Variants in PARD3B observed in about 807,000 individuals in gnomAD.
PARD3B encodes par-3 family cell polarity regulator beta.
Under a neutral mutation model 130.2 loss-of-function variants are expected in PARD3B, and 103 were observed. The observed-to-expected ratio is 0.79, with a 90% CI of 0.67 to 0.93. PARD3B has a LOEUF of 0.93. Among genes scored for constraint, PARD3B ranks in the 40% least tolerant of loss-of-function variants. The pLI, the probability that PARD3B is intolerant of heterozygous loss-of-function variation, is 0.00. For synonymous variants in PARD3B, 583 were observed against 553.2 expected, an observed-to-expected ratio of 1.05 and a Z score of -0.76; for missense variants, 1,609 against 1,499.2, an observed-to-expected ratio of 1.07 and a Z score of -1.21.
At chr2:204,958,504 C>A (rs1559299720) in intron 2 of PARD3B, among the ~76,000 whole-genome samples, 2 of 152,072 alleles carry the variant, frequency 1.3e-5, no homozygotes, top group Non-Finnish European at 2.9e-5. Flanking sequence ...ACAGAAATTA[C>A]CTATTGGTTG....
chr2:204,717,178 T>A (rs1346811591), intron 2 of PARD3B, among the ~76,000 whole-genome samples: 3 of 152,212 alleles, frequency 2.0e-5, no homozygotes, highest in Admixed American at 6.5e-5. Context: ...CATAAGTACC[T>A]TTGTGTAAAA....
intron 2 of PARD3B, among the ~76,000 whole-genome samples, chr2:204,789,196 A>G (rs564715724): frequency 6.6e-6 from 1 of 152,278 alleles, no homozygotes; most frequent in South Asian, 2.1e-4. Flanking sequence ...AGCTGGGACC[A>G]TAGGTGTGCA....
chr2:204,665,002 G>A (rs971075118), intron 1 of PARD3B, among the ~76,000 whole-genome samples: 8 of 152,142 alleles, frequency 5.3e-5, no homozygotes, highest in African/African-American at 1.9e-4. Flanking sequence ...GAAGACTGTA[G>A]AGAAAATGTT....
intron 4 of PARD3B, among the ~76,000 whole-genome samples, chr2:205,102,735 A>G (rs534123052): frequency 6.6e-6 from 1 of 152,184 alleles, no homozygotes; most frequent in Non-Finnish European, 1.5e-5. Flanking sequence ...TCACTACAAC[A>G]AAGTGCTTCT....
At position 205,564,179 on chromosome 2, in the gene PARD3B, C is replaced by G. The variant is rs2053239161; in HGVS notation, c.3260+10776C>G. Among the ~76,000 whole-genome samples the G allele has an allele frequency of 6.6e-6, 1 of 152,180 alleles. No homozygotes were observed. The highest frequency in any genetic ancestry group is 1.5e-5 in the Non-Finnish European group (1 of 68,038). Reference sequence around the variant, plus strand: ...TCTGCATCTGAAATTTCTGGGCTTTCTGCAGCATCAAGGTGTCTGGTACTA... The same window carrying G: ...TCTGCATCTGAAATTTCTGGGCTTTGTGCAGCATCAAGGTGTCTGGTACTA... On this transcript the variant is annotated intron_variant, in intron 22 of 22. Coordinates refer to ENST00000406610, the MANE Select transcript of PARD3B (RefSeq NM_001302769.2). This position sits in a 1 kb window ranked among gnomAD's most constrained non-coding sequence, Gnocchi z 4.6.
chr2:204,984,895 T>C (rs927601747), intron 3 of PARD3B, among the ~76,000 whole-genome samples: 3 of 152,114 alleles, frequency 2.0e-5, no homozygotes, highest in South Asian at 2.1e-4. Context: ...CTGCTCACCT[T>C]TGTTCCACTG....
intron 19 of PARD3B, among the ~76,000 whole-genome samples, chr2:205,406,481 A>C (rs1574942076): frequency 6.6e-6 from 1 of 152,160 alleles, no homozygotes; most frequent in South Asian, 2.1e-4. Flanking sequence ...TTCATCACAT[A>C]AATATTGGAC....
chr2:205,379,350 A>G (rs189086848), intron 18 of PARD3B, among the ~76,000 whole-genome samples: 1 of 152,286 alleles, frequency 6.6e-6, no homozygotes, highest in African/African-American at 2.4e-5. Flanking sequence ...ATTGGCCTCC[A>G]GTGAACCTGG....
intron 15 of PARD3B, among the ~76,000 whole-genome samples, chr2:205,210,211 T>G (rs529742883): frequency 5.3e-5 from 8 of 151,810 alleles, no homozygotes; most frequent in Non-Finnish European, 8.8e-5. Flanking sequence ...ACAAAAAAAA[T>G]TTTAAAAATA....
In PARD3B at chr2:205,530,810, A is replaced by T. The variant is rs1046315902; in HGVS notation, c.3181-22514A>T. Among the ~76,000 whole-genome samples, 98 of 152,336 alleles carry T rather than the reference A, an allele frequency of 6.4e-4. No homozygotes were observed. Among genetic ancestry groups the T allele is most frequent in the African/African-American group, 2.3e-3 (94 of 41,586 alleles). ...TACTCATGCTGGACGATTCAAGAAG[A>T]TGAAATGGGGAAGAAAGAAACGATG... On this transcript the variant is annotated intron_variant, in intron 21 of 22. Coordinates refer to ENST00000406610, the MANE Select transcript of PARD3B (RefSeq NM_001302769.2). The surrounding 1 kb of genome is among the most constrained non-coding windows in gnomAD (Gnocchi z 4.7).
Position 204,978,744 on chromosome 2 carries a change from C to T in PARD3B, c.394+13421C>T, listed in dbSNP as rs190155304. ...TGGGAGGCTGAAGTGGGAGGATCAC[C>T]TGAGGTCAGGAGTTTGAGACCAGCT... On this transcript the variant is annotated intron_variant, in intron 3 of 22. Coordinates refer to ENST00000406610, the MANE Select transcript of PARD3B (RefSeq NM_001302769.2). Among the ~76,000 whole-genome samples, 163 of 152,120 alleles carry T rather than the reference C, an allele frequency of 1.1e-3. No homozygotes were observed. In the Middle Eastern group the frequency reaches 0.014, roughly 13 times the overall value.
intron 22 of PARD3B, among the ~76,000 whole-genome samples, chr2:205,586,139 T>A (rs1031237618): frequency 6.6e-6 from 1 of 152,226 alleles, no homozygotes; most frequent in East Asian, 1.9e-4. Context: ...GATCTTCACA[T>A]CCCTTTGTGT....
At chr2:204,804,660 T>C (rs550406269) in intron 2 of PARD3B, among the ~76,000 whole-genome samples, 2 of 152,302 alleles carry the variant, frequency 1.3e-5, no homozygotes, top group African/African-American at 4.8e-5. Flanking sequence ...TACAGAACAT[T>C]TCATCCAGTG....
rs114859728 is a variant in PARD3B at position 205,498,566 on chromosome 2, G to T, written c.3045-1330G>T. Among the ~76,000 whole-genome samples the T allele has an allele frequency of 1.0e-3, 153 of 152,244 alleles. 1 individual carries two copies. The highest frequency in any genetic ancestry group is 3.6e-3 in the African/African-American group (149 of 41,542). On this transcript the variant is annotated intron_variant, in intron 20 of 22. Coordinates refer to ENST00000406610, the MANE Select transcript of PARD3B (RefSeq NM_001302769.2). ...TTATTCGAATTTGCTTTGTAAATGAGAGTGGAAAGGGAACATACACCATAC... is the reference window on the plus strand; with the variant it reads ...TTATTCGAATTTGCTTTGTAAATGATAGTGGAAAGGGAACATACACCATAC...
At chr2:204,757,006 A>G (rs1346811556) in intron 2 of PARD3B, among the ~76,000 whole-genome samples, 1 of 152,154 alleles carries the variant, frequency 6.6e-6, no homozygotes, top group Non-Finnish European at 1.5e-5. Flanking sequence ...AAGTGAGAAC[A>G]TGCAGTATTT....
Position 205,253,611 on chromosome 2 carries a change from C to T in PARD3B, c.2185+7789C>T, listed in dbSNP as rs2039950327. 1.8e-5 allele frequency: 7 copies of T among 382,088 alleles called. No homozygotes were observed. Among genetic ancestry groups the T allele is most frequent in the Non-Finnish European group, 3.6e-5 (7 of 194,644 alleles). The allele number at this position is 382,088 out of a possible 1,614,324, so 23.7% of individuals were successfully genotyped here. A position where few individuals can be genotyped will look rare whatever the true frequency, so the allele number is the denominator to read the frequency against. On this transcript the variant is annotated intron_variant, in intron 16 of 22. Coordinates refer to ENST00000406610, the MANE Select transcript of PARD3B (RefSeq NM_001302769.2). The surrounding 1 kb of genome is among the most constrained non-coding windows in gnomAD (Gnocchi z 4.4). The stretch of plus-strand genomic sequence containing the variant: ...GCAGAAAGACAGAGAAAGAAGCCTC[C>T]TTGGGGTTCCATTACCCACACTCCA...
intron 16 of PARD3B, among the ~76,000 whole-genome samples, chr2:205,271,522 T>C (rs1211376861): frequency 6.6e-6 from 1 of 152,228 alleles, no homozygotes; most frequent in Non-Finnish European, 1.5e-5. Context: ...CACTAGAATT[T>C]CTGATCTACA....
intron 1 of PARD3B, among the ~76,000 whole-genome samples, chr2:204,571,459 T>C (rs959378726): frequency 1.3e-5 from 2 of 152,178 alleles, no homozygotes; most frequent in Non-Finnish European, 2.9e-5. Flanking sequence ...GTATGATGAA[T>C]AGATAACTCA....
chr2:205,468,268 G>T (rs772419569), intron 20 of PARD3B, among the ~76,000 whole-genome samples: 1 of 152,170 alleles, frequency 6.6e-6, no homozygotes, highest in African/African-American at 2.4e-5. Flanking sequence ...ATACCAGTGC[G>T]ATTCTCATTT....
Sources: allele counts gnomAD v4.1 joint callset (sites outside exome capture counted in the v4.1 genomes callset), GRCh38; gene constraint gnomAD v4.1.1; non-coding constraint Gnocchi (gnomAD v3.1); transcripts MANE v1.5; gene names NCBI Gene and HGNC (gene_info 2026-07-23, HGNC 2026-07-21).